The following NBN variants were observed in gnomAD, a reference collection of about 807,000 sequenced individuals.
NBN encodes nibrin.
A neutral mutation model predicts 90.8 loss-of-function variants in NBN; 88 were observed. The observed-to-expected ratio is 0.97, with a 90% CI of 0.82 to 1.16. The LOEUF is 1.16. Ranked by LOEUF, NBN falls within the 50% of genes most tolerant of loss-of-function variation. The probability of loss-of-function intolerance (pLI) is 0.00; values close to 1 mark genes in which losing one functional copy is unlikely to be tolerated. For missense variants in NBN, 894 were observed against 869.6 expected, an observed-to-expected ratio of 1.03 and a Z score of -0.35; for synonymous variants, 328 against 295.1, an observed-to-expected ratio of 1.11 and a Z score of -1.14.
intron 8 of NBN, among the ~76,000 whole-genome samples, chr8:89,963,567 A>AT (rs1246916832): frequency 6.6e-6 from 1 of 152,218 alleles, no homozygotes; most frequent in East Asian, 1.9e-4. Context: ...TTACTAAAAA[A>AT]TTTTTTTAAA....
chr8:89,984,384 A>G (rs966589243), intron 1 of NBN, 141 bp downstream of exon 1: 25 of 783,686 alleles, frequency 3.2e-5, no homozygotes, highest in Non-Finnish European at 4.8e-5. Flanking sequence ...CGCTTGCCAT[A>G]CAGCGTACTC....
intron 1 of NBN, chr8:89,984,295 C>A: frequency 1.6e-6 from 1 of 611,474 alleles, no homozygotes; most frequent in Non-Finnish European, 3.0e-6. Context: ...GGAGGACTGC[C>A]ACCAGGGGGC....
chr8:89,965,706 T>C (rs1420597512), intron 7 of NBN, among the ~76,000 whole-genome samples: 2 of 152,088 alleles, frequency 1.3e-5, no homozygotes, highest in Admixed American at 1.3e-4. Flanking sequence ...GCCAGGCTGG[T>C]ATCGAACTCC....
At position 89,946,263 on chromosome 8, in the gene NBN, C is replaced by T. The variant is rs1554556579; in HGVS notation, c.1947G>A (p.Met649Ile). ...NNDKLQDDSE[M>I]LPKKLLLTEF... The stretch of plus-strand genomic sequence containing the variant: ...CAGTCAATAACAGCTTTTTTGGAAG[C>T]ATCTCACTATCATCCTGAAGTTTGT... Residue 649 changes from methionine to isoleucine, a missense_variant, in exon 13 of 16, where the codon ATG becomes ATA. Coordinates refer to ENST00000265433, the MANE Select transcript of NBN (RefSeq NM_002485.5). The T allele has an allele frequency of 2.5e-6, 4 of 1,584,414 alleles. No homozygotes were observed. Among genetic ancestry groups the T allele is most frequent in the Admixed American group, 3.3e-5 (2 of 59,948 alleles).
rs900820010 is a variant in NBN, at chr8:89,971,402, T to C, written c.585-112A>G. 7 of 1,230,428 alleles carry C rather than the reference T, an allele frequency of 5.7e-6. 1 individual carries two copies. The highest frequency in any genetic ancestry group is 3.0e-5 in the Admixed American group (1 of 33,594). 76.2% of individuals were successfully genotyped at this position (1,230,428 alleles called of 1,614,324 possible). A position where few individuals can be genotyped will look rare whatever the true frequency, so the allele number is the denominator to read the frequency against. Reference sequence around the variant, plus strand: ...AGGCATAATTTCCATAATACCTTTATAGTATTTTTTTTAAGTAAGAATTTT... The same window carrying C: ...AGGCATAATTTCCATAATACCTTTACAGTATTTTTTTTAAGTAAGAATTTT... On this transcript the variant is annotated intron_variant, in intron 5 of 15. Transcript: ENST00000265433.
chr8:89,958,951 G>T, intron 8 of NBN, 97 bp from the exon 9 acceptor site: 1 of 1,463,150 alleles, frequency 6.8e-7, no homozygotes, highest in Admixed American at 1.7e-5. Flanking sequence ...ATGCTGAGGG[G>T]ATTAACTAGG....
intron 11 of NBN, among the ~76,000 whole-genome samples, chr8:89,949,889 T>C (rs1586046787): frequency 6.6e-6 from 1 of 151,724 alleles, no homozygotes; most frequent in South Asian, 2.1e-4. Flanking sequence ...CTTTAATCCA[T>C]GAGATTAACA....
intron 5 of NBN, among the ~76,000 whole-genome samples, chr8:89,971,922 A>G (rs1014063092): frequency 6.6e-6 from 1 of 152,244 alleles, no homozygotes; most frequent in African/African-American, 2.4e-5. Context: ...ATAATTCTTA[A>G]GCCTCTCATC....
rs543547995 is a variant in NBN at position 89,935,401 on chromosome 8, C to T, written c.*181G>A. The T allele has an allele frequency of 1.2e-5, 8 of 664,330 alleles. No individual in the cohort carries two copies. The South Asian group carries it at 1.4e-4, about 11-fold the overall frequency. 41.2% of individuals were successfully genotyped at this position (664,330 alleles called of 1,614,324 possible). A position where few individuals can be genotyped will look rare whatever the true frequency, so the allele number is the denominator to read the frequency against. ...AAGATGCAATGACAAAGCCTGAAAA[C>T]AGAACAAACAATTGTTACATACAAA... On this transcript the variant is annotated 3_prime_UTR_variant, in exon 16 of 16. Coordinates refer to ENST00000265433, the MANE Select transcript of NBN (RefSeq NM_002485.5).
intron 14 of NBN, among the ~76,000 whole-genome samples, chr8:89,941,082 G>A (rs1451575076): frequency 6.6e-6 from 1 of 152,128 alleles, no homozygotes; most frequent in Non-Finnish European, 1.5e-5. Context: ...AATAGATGTG[G>A]ACGACAAAGG....
intron 1 of NBN, 89 bp downstream of exon 1, chr8:89,984,436 C>G (rs887827798): frequency 1.6e-6 from 2 of 1,259,592 alleles, no homozygotes; most frequent in Non-Finnish European, 2.3e-6. Context: ...CGGGCAGGAA[C>G]GGACGCGACG....
chr8:89,953,158 G>T, intron 11 of NBN, 86 bp downstream of exon 11: 2 of 958,808 alleles, frequency 2.1e-6, no homozygotes, highest in Non-Finnish European at 3.3e-6. Context: ...ATTAATGGAT[G>T]CTCATACTGT....
rs1473757505 is a variant in NBN at position 89,934,113 on chromosome 8, A to C, written c.*1469T>G. ...GACAGAGAACAATATTAATCTGTCC[A>C]TTATATTCCTTAACTGTAAAATGGA... On this transcript the variant is annotated 3_prime_UTR_variant, in exon 16 of 16. Coordinates refer to ENST00000265433, the MANE Select transcript of NBN (RefSeq NM_002485.5). 4.3e-6 allele frequency: 1 copy of C among 230,230 alleles called. No homozygotes were observed. The highest frequency in any genetic ancestry group is 8.6e-6 in the Non-Finnish European group (1 of 116,290). 14.3% of individuals were successfully genotyped at this position (230,230 alleles called of 1,614,324 possible).
At chr8:89,938,910 C>T (rs543760376) in intron 14 of NBN, among the ~76,000 whole-genome samples, 5 of 152,108 alleles carry the variant, frequency 3.3e-5, no homozygotes, top group Non-Finnish European at 7.4e-5. Context: ...AAAGTTGTAG[C>T]ATAGTAAGGA....
chr8:89,952,611 G>A (rs1453780777), intron 11 of NBN, among the ~76,000 whole-genome samples: 1 of 152,116 alleles, frequency 6.6e-6, no homozygotes, highest in African/African-American at 2.4e-5. Flanking sequence ...AGGTGTTACT[G>A]GAGAGGATGA....
At chr8:89,937,131 G>A in intron 14 of NBN, 56 bp from the exon 15 acceptor site, 6 of 1,513,078 alleles carry the variant, frequency 4.0e-6, no homozygotes, top group Non-Finnish European at 5.5e-6. Context: ...TATAGTTAAT[G>A]AATTGCTATA....
Position 89,937,875 on chromosome 8 carries a change from T to C in NBN, c.2185-800A>G, listed in dbSNP as rs535622551. Among the ~76,000 whole-genome samples, 10 of 152,300 alleles carry C rather than the reference T, an allele frequency of 6.6e-5. 1 individual carries two copies. In the South Asian group the frequency reaches 1.5e-3, roughly 22 times the overall value. On this transcript the variant is annotated intron_variant, in intron 14 of 15. Transcript: ENST00000265433. ...AACCCCAGAATCATCTCCTAATAAA[T>C]ATCCTGTGACCCTCTATCTGCTTTT...
Position 89,981,619 on chromosome 8 carries a change from C to T in NBN, c.172-96G>A, listed in dbSNP as rs549232136. ...AAAAGAAAAGACAATAGGCAGGTGG[C>T]TAACCTCCCAACACGGCAGACAACA... On this transcript the variant is annotated intron_variant, in intron 2 of 15. Coordinates refer to ENST00000265433, the MANE Select transcript of NBN (RefSeq NM_002485.5). 5.9e-5 allele frequency: 77 copies of T among 1,312,008 alleles called. No individual in the cohort carries two copies. In the South Asian group the frequency reaches 7.5e-4, roughly 13 times the overall value. 81.3% of individuals were successfully genotyped at this position (1,312,008 alleles called of 1,614,324 possible).
At chr8:89,971,031 G>C (rs1203489427) in intron 6 of NBN, 142 bp downstream of exon 6, 3 of 827,638 alleles carry the variant, frequency 3.6e-6, no homozygotes, top group Non-Finnish European at 1.8e-6. Flanking sequence ...GGCAGGTCTG[G>C]TGCCTGGGGT....
Sources: gnomAD v4.1 joint callset for allele counts (sites outside exome capture counted in the v4.1 genomes callset) on GRCh38, gnomAD v4.1.1 for gene constraint, MANE v1.5 for transcripts, NCBI Gene and HGNC (gene_info 2026-07-23, HGNC 2026-07-21) for gene names.